The following FHIT variants were observed in gnomAD, a reference collection of about 807,000 sequenced individuals.
The protein encoded by FHIT is fragile histidine triad diadenosine triphosphatase, also known as bis(5'-adenosyl)-triphosphatase.
Under a neutral mutation model 17.9 loss-of-function variants are expected in FHIT, and 19 were observed. That is an observed-to-expected ratio of 1.06 (90% CI 0.74 to 1.56). The LOEUF (loss-of-function observed/expected upper bound fraction) is 1.56, where lower values mean the gene tolerates loss of function less well. Among genes scored for constraint, FHIT ranks in the 40% most tolerant of loss-of-function variants. FHIT has a pLI of 0.00. For missense variants in FHIT, 248 were observed against 189.2 expected (o/e 1.31, Z -1.82); for synonymous variants, 81 against 69.7 (o/e 1.16, Z -0.81).
chr3:60,118,981 ACTGCACTCCAGC>A (rs1456341468), intron 5 of FHIT, among the ~76,000 whole-genome samples: 8 of 151,008 alleles, frequency 5.3e-5, no homozygotes, highest in Non-Finnish European at 1.2e-4. Context: ...AGATGCTGCC[ACTGCACTCCAGC>A]CTGGGCAACA....
intron 5 of FHIT, among the ~76,000 whole-genome samples, chr3:60,246,986 G>C (rs936774606): frequency 6.6e-6 from 1 of 152,104 alleles, no homozygotes; most frequent in Admixed American, 6.6e-5. Context: ...TCTAATGGTA[G>C]ATTACATGCA....
intron 5 of FHIT, among the ~76,000 whole-genome samples, chr3:60,130,084 G>A (rs925931920): frequency 6.6e-6 from 1 of 152,094 alleles, no homozygotes; most frequent in African/African-American, 2.4e-5. Context: ...TTTGTTAGAA[G>A]TTCCTCTTTC....
intron 5 of FHIT, among the ~76,000 whole-genome samples, chr3:60,066,866 G>C (rs371864969): frequency 1.2e-4 from 18 of 151,560 alleles, no homozygotes; most frequent in African/African-American, 3.9e-4. Context: ...CCGTGGTCTC[G>C]ATCTCCTGAC....
At chr3:60,283,248 C>T (rs565894229) in intron 5 of FHIT, among the ~76,000 whole-genome samples, 1 of 152,106 alleles carries the variant, frequency 6.6e-6, no homozygotes, top group Non-Finnish European at 1.5e-5. Flanking sequence ...CACACATACA[C>T]ACACACATAC....
At chr3:60,541,248 T>G (rs894476477) in intron 4 of FHIT, among the ~76,000 whole-genome samples, 1 of 152,250 alleles carries the variant, frequency 6.6e-6, no homozygotes, top group Admixed American at 6.5e-5. Context: ...ACTTTATTCC[T>G]TGGGATCATA....
intron 3 of FHIT, among the ~76,000 whole-genome samples, chr3:60,861,279 TC>T (rs1177092597): frequency 5.6e-5 from 3 of 53,256 alleles, no homozygotes; most frequent in Non-Finnish European, 1.1e-4. Flanking sequence ...CATATATCTT[TC>T]TTTTTTTTTT....
intron 5 of FHIT, among the ~76,000 whole-genome samples, chr3:60,115,411 C>G (rs946266451): frequency 6.6e-6 from 1 of 152,078 alleles, no homozygotes; most frequent in African/African-American, 2.4e-5. Flanking sequence ...ATAAAATACT[C>G]AACTTCACTA....
chr3:60,306,225 G>T (rs1051515212), intron 5 of FHIT, among the ~76,000 whole-genome samples: 1 of 152,056 alleles, frequency 6.6e-6, no homozygotes, highest in African/African-American at 2.4e-5. Context: ...ACTAGAGTAC[G>T]CAAAACTCAG....
chr3:60,271,124 G>C (rs542268813), intron 5 of FHIT, among the ~76,000 whole-genome samples: 73 of 152,216 alleles, frequency 4.8e-4, no homozygotes, highest in African/African-American at 1.6e-3. Context: ...CAGAAGCCAC[G>C]CTCCGTGGCT....
At chr3:61,138,410 T>A (rs1177638642) in intron 2 of FHIT, among the ~76,000 whole-genome samples, 1 of 152,204 alleles carries the variant, frequency 6.6e-6, no homozygotes. Context: ...AGCCACTAAC[T>A]AACCATGCAG....
At chr3:61,244,033 G>C (rs2040431119) in intron 1 of FHIT, 1 of 152,098 alleles carries the variant, frequency 6.6e-6, no homozygotes, top group Non-Finnish European at 1.5e-5. Context: ...ACGATGCTGT[G>C]TTATTAGAAT....
At chr3:60,077,744 G>A (rs546803022) in intron 5 of FHIT, among the ~76,000 whole-genome samples, 1 of 140,508 alleles carries the variant, frequency 7.1e-6, no homozygotes. Flanking sequence ...ATAGAGGGGG[G>A]GGGGAGGATA....
chr3:61,189,777 C>T (rs1344049818), intron 2 of FHIT, among the ~76,000 whole-genome samples: 2 of 151,964 alleles, frequency 1.3e-5, no homozygotes, highest in Non-Finnish European at 2.9e-5. Context: ...AGAAATAATG[C>T]CACATATCTA....
chr3:60,609,053 G>A (rs1234406153), intron 4 of FHIT, among the ~76,000 whole-genome samples: 2 of 151,544 alleles, frequency 1.3e-5, no homozygotes, highest in African/African-American at 2.4e-5. Flanking sequence ...TAAATGTCCT[G>A]GAGACTTCTG....
At chr3:60,956,288 T>C (rs550194797) in intron 3 of FHIT, among the ~76,000 whole-genome samples, 6 of 152,258 alleles carry the variant, frequency 3.9e-5, no homozygotes, top group African/African-American at 1.4e-4. Context: ...GGATTCTGGA[T>C]GAGGAATTAG....
At chr3:60,344,414 C>A (rs375578713) in intron 5 of FHIT, among the ~76,000 whole-genome samples, 85 of 152,290 alleles carry the variant, frequency 5.6e-4, no homozygotes, top group African/African-American at 2.0e-3. Flanking sequence ...TATCTATTTT[C>A]TCCATATTTC....
chr3:60,986,801 T>C (rs140217613), intron 3 of FHIT, among the ~76,000 whole-genome samples: 15 of 152,302 alleles, frequency 9.8e-5, no homozygotes, highest in African/African-American at 2.9e-4. Flanking sequence ...CCCACTGATA[T>C]GTGCTTGGCA....
intron 5 of FHIT, among the ~76,000 whole-genome samples, chr3:60,455,507 A>G (rs2032033119): frequency 6.6e-6 from 1 of 152,164 alleles, no homozygotes; most frequent in African/African-American, 2.4e-5. Flanking sequence ...TGAGGATCAA[A>G]ATGTGATAAT....
intron 2 of FHIT, among the ~76,000 whole-genome samples, chr3:61,143,777 A>G (rs1343193983): frequency 6.6e-6 from 1 of 152,118 alleles, no homozygotes; most frequent in Non-Finnish European, 1.5e-5. Context: ...GAGACAGGAG[A>G]ATTGCTTGAA....
Sources: allele counts gnomAD v4.1 joint callset (sites outside exome capture counted in the v4.1 genomes callset), GRCh38; gene constraint gnomAD v4.1.1; transcripts MANE v1.5; gene names NCBI Gene and HGNC (gene_info 2026-07-23, HGNC 2026-07-21).